VWF: variants seen among roughly 807,000 people sequenced by gnomAD.
VWF encodes von Willebrand factor.
A neutral mutation model predicts 308.6 loss-of-function variants in VWF; 176 were observed. The ratio of observed to expected loss-of-function variants is 0.57; its 90% CI spans 0.50 to 0.65. The LOEUF (loss-of-function observed/expected upper bound fraction) is 0.65. Among genes scored for constraint, VWF ranks in the 30% least tolerant of loss-of-function variants. VWF has a pLI of 0.00. For missense variants in VWF, 3,146 were observed against 3,648.2 expected (o/e 0.86, Z 3.55); for synonymous variants, 1,385 against 1,443.4 (o/e 0.96, Z 0.92).
chr12:6,084,548 C>T (rs1944948239), intron 6 of VWF, among the ~76,000 whole-genome samples: 1 of 152,050 alleles, frequency 6.6e-6, no homozygotes, highest in African/African-American at 2.4e-5. Flanking sequence ...GGAGGGAAAG[C>T]AAGCACATCT....
intron 5 of VWF, among the ~76,000 whole-genome samples, chr12:6,099,086 G>A (rs1038365667): frequency 3.9e-5 from 6 of 151,990 alleles, no homozygotes; most frequent in East Asian, 1.9e-4. Flanking sequence ...TTGGGAGGCC[G>A]AGGCAGGTGG....
chr12:6,004,503 T>G (rs1415857372), intron 34 of VWF, among the ~76,000 whole-genome samples: 1 of 152,044 alleles, frequency 6.6e-6, no homozygotes, highest in Non-Finnish European at 1.5e-5. Context: ...CCACTGCTAT[T>G]CAACATTGTA....
At chr12:6,114,964 T>C (rs896095286) in intron 3 of VWF, among the ~76,000 whole-genome samples, 1 of 152,188 alleles carries the variant, frequency 6.6e-6, no homozygotes, top group Admixed American at 6.5e-5. Context: ...GGAGAATTCC[T>C]GGCCCTGGAT....
chr12:5,982,014 C>A (rs1943612088), intron 41 of VWF, 23 bp from the exon 42 acceptor site: 1 of 1,610,656 alleles, frequency 6.2e-7, no homozygotes, highest in African/African-American at 1.3e-5. Context: ...CAAGGCCACA[C>A]TGAGCACTGC....
At chr12:5,954,102 G>A (rs1008246547) in intron 47 of VWF, among the ~76,000 whole-genome samples, 10 of 152,236 alleles carry the variant, frequency 6.6e-5, no homozygotes, top group African/African-American at 2.4e-4. Flanking sequence ...TGCTTGTCAT[G>A]ACCAGTCTCC....
chr12:6,096,642 A>G (rs1945108808), intron 5 of VWF, among the ~76,000 whole-genome samples: 1 of 152,236 alleles, frequency 6.6e-6, no homozygotes, highest in African/African-American at 2.4e-5. Flanking sequence ...CCAGTCCCCA[A>G]GTCACTGCAT....
intron 3 of VWF, among the ~76,000 whole-genome samples, chr12:6,111,635 G>C (rs1180285118): frequency 6.6e-6 from 1 of 152,124 alleles, no homozygotes; most frequent in African/African-American, 2.4e-5. Context: ...GAGCCACCCC[G>C]CTCTGGCCTA....
chr12:5,976,074 G>C (rs1943529639), intron 43 of VWF, 37 bp downstream of exon 43: 2 of 1,612,264 alleles, frequency 1.2e-6, no homozygotes, highest in Non-Finnish European at 1.7e-6. Flanking sequence ...TTCCCGCTCT[G>C]ATAGCTGCAG....
chr12:5,957,509 T>A (rs1161788980), intron 47 of VWF, among the ~76,000 whole-genome samples: 11 of 151,988 alleles, frequency 7.2e-5, no homozygotes, highest in Admixed American at 7.2e-4. Flanking sequence ...GAAAAACTGT[T>A]AAAGCATCCA....
At chr12:5,965,229 G>T (rs1043662888) in intron 47 of VWF, among the ~76,000 whole-genome samples, 7 of 152,252 alleles carry the variant, frequency 4.6e-5, no homozygotes, top group Admixed American at 4.6e-4. Flanking sequence ...CACTTGTTTA[G>T]GTCTGAGCAG....
chr12:6,113,036 C>T (rs757045678), intron 3 of VWF, among the ~76,000 whole-genome samples: 1 of 152,108 alleles, frequency 6.6e-6, no homozygotes, highest in Non-Finnish European at 1.5e-5. Context: ...GCAGCAGCCA[C>T]CAGGAAAGAC....
At chr12:6,092,642 T>C (rs1167188817) in intron 6 of VWF, among the ~76,000 whole-genome samples, 1 of 104,718 alleles carries the variant, frequency 9.5e-6, no homozygotes, top group African/African-American at 8.7e-5. Flanking sequence ...TGTGTGTGTG[T>C]GTGTGTGTGT....
intron 13 of VWF, among the ~76,000 whole-genome samples, chr12:6,062,431 A>ACAGTGTTGATGGAGGCC (rs141416726): frequency 0.14 from 21,944 of 151,942 alleles, 2,538 homozygotes; most frequent in African/African-American, 0.32. Flanking sequence ...TTCCAGAGAA[A>ACAGTGTTGATGGAGGCC]CAGTGAAAAG....
At chr12:5,995,825 C>T (rs577821595) in intron 35 of VWF, among the ~76,000 whole-genome samples, 177 bp downstream of exon 35, 7 of 152,240 alleles carry the variant, frequency 4.6e-5, no homozygotes, top group African/African-American at 1.4e-4. Context: ...CATGAAATCA[C>T]GCCAAGACAA....
rs531969753 is a variant in VWF at position 6,104,920 on chromosome 12, A to G, written c.532+5454T>C. 9.2e-5 allele frequency among the ~76,000 whole-genome samples: 14 copies of G among 152,368 alleles called. No homozygotes were observed. In the East Asian group the frequency reaches 2.7e-3, roughly 29 times the overall value. ...ATACACAATGGAAGACTATTTGGCC[A>G]TAAGAATGAAATCGCATCTTTTGCA... On this transcript the variant is annotated intron_variant, in intron 5 of 51. Coordinates refer to ENST00000261405, the MANE Select transcript of VWF (RefSeq NM_000552.5).
chr12:6,041,204 C>A (rs1944392459), intron 18 of VWF, among the ~76,000 whole-genome samples: 1 of 152,068 alleles, frequency 6.6e-6, no homozygotes, highest in Admixed American at 6.5e-5. Flanking sequence ...CAGAGGTAGG[C>A]AGACCACCTA....
chr12:5,974,859 C>G (rs1256553052), intron 43 of VWF, among the ~76,000 whole-genome samples: 1 of 152,188 alleles, frequency 6.6e-6, no homozygotes, highest in South Asian at 2.1e-4. Flanking sequence ...CCTCCTGTAT[C>G]TTTTCTACAA....
rs774171619 is a variant in VWF, at chr12:5,971,714, A to T, written c.7438-5T>A. 3.7e-6 allele frequency: 6 copies of T among 1,613,502 alleles called. No individual in the cohort carries two copies. The highest frequency in any genetic ancestry group is 1.7e-5 in the Admixed American group (1 of 60,014). Reference sequence around the variant, plus strand: ...ATGCAGAACGTAAGTGAAGCCCTGGAAAAGCAGAAAAAACAGAGTAAGGAC... The same window carrying T: ...ATGCAGAACGTAAGTGAAGCCCTGGTAAAGCAGAAAAAACAGAGTAAGGAC... On this transcript the variant is annotated splice_polypyrimidine_tract_variant and splice_region_variant and intron_variant, in intron 43 of 51. Coordinates refer to ENST00000261405, the MANE Select transcript of VWF (RefSeq NM_000552.5).
intron 34 of VWF, among the ~76,000 whole-genome samples, chr12:6,000,760 C>A (rs1338852995): frequency 7.4e-6 from 1 of 135,664 alleles, no homozygotes; most frequent in Admixed American, 9.2e-5. Context: ...TGCAGTGAGC[C>A]GAGATCGCGC....
Sources: allele counts gnomAD v4.1 joint callset (sites outside exome capture counted in the v4.1 genomes callset), GRCh38; gene constraint gnomAD v4.1.1; transcripts MANE v1.5; gene names NCBI Gene and HGNC (gene_info 2026-07-23, HGNC 2026-07-21).